The following ITGA9 variants were observed in gnomAD, a reference collection of about 807,000 sequenced individuals.
The protein encoded by ITGA9 is integrin alpha-9.
Under a neutral mutation model 127.8 loss-of-function variants are expected in ITGA9, and 56 were observed. The ratio of observed to expected loss-of-function variants is 0.44; its 90% CI spans 0.35 to 0.55. The LOEUF is 0.55. ITGA9 is among the 20% of genes least tolerant of loss of function. The pLI is 0.00. For missense variants in ITGA9, 1,196 were observed against 1,347.1 expected (o/e 0.89, Z 1.76); for synonymous variants, 508 against 514.5 (o/e 0.99, Z 0.17).
chr3:37,518,771 C>CTTTTTTTTTTTTTTTTTTTTT lies in ITGA9; in HGVS notation c.1142-478_1142-458dup. 4.6e-5 allele frequency among the ~76,000 whole-genome samples: 2 copies of CTTTTTTTTTTTTTTTTTTTTT among 43,492 alleles called. 1 individual carries two copies. The highest frequency in any genetic ancestry group is 8.2e-5 in the Non-Finnish European group (2 of 24,488). The allele number at this position is 43,492 out of a possible 152,430, so 28.5% of individuals were successfully genotyped here. A position where few individuals can be genotyped will look rare whatever the true frequency, so the allele number is the denominator to read the frequency against. On this transcript the variant is annotated intron_variant, in intron 10 of 27. Transcript: ENST00000264741. ...GTCAGCTTCTATAGTTTTCACTGTACTTTTTTTTTTTTTTTTTTTTTTTTT... is the reference window on the plus strand; with the variant it reads ...GTCAGCTTCTATAGTTTTCACTGTACTTTTTTTTTTTTTTTTTTTTTTTTTTTTTTTTTTTTTTTTTTTTTT...
intron 3 of ITGA9, among the ~76,000 whole-genome samples, chr3:37,476,288 A>G (rs1162857863): frequency 1.3e-5 from 2 of 151,992 alleles, no homozygotes; most frequent in Non-Finnish European, 2.9e-5. Flanking sequence ...TGGCTGCAGC[A>G]TTTTAAGTTC....
intron 27 of ITGA9, among the ~76,000 whole-genome samples, chr3:37,817,899 G>A (rs912187866): frequency 3.3e-5 from 5 of 152,118 alleles, no homozygotes; most frequent in African/African-American, 7.2e-5. Flanking sequence ...TGAAACGCCC[G>A]TTCTAAGTGA....
chr3:37,554,484 G>A (rs1699410630), intron 15 of ITGA9, among the ~76,000 whole-genome samples: 1 of 152,006 alleles, frequency 6.6e-6, no homozygotes, highest in African/African-American at 2.4e-5. Context: ...GAGTGTGTGA[G>A]GGATCTGGGC....
At chr3:37,668,546 G>C (rs1463075883) in intron 17 of ITGA9, among the ~76,000 whole-genome samples, 1 of 152,150 alleles carries the variant, frequency 6.6e-6, no homozygotes, top group Non-Finnish European at 1.5e-5. Flanking sequence ...TCCTTGCTAA[G>C]ATTTTTGCAG....
At chr3:37,785,646 T>C (rs1697030528) in intron 26 of ITGA9, among the ~76,000 whole-genome samples, 1 of 152,120 alleles carries the variant, frequency 6.6e-6, no homozygotes, top group Non-Finnish European at 1.5e-5. Context: ...TTTTAAATTT[T>C]TTAAAATTTT....
In ITGA9 at chr3:37,818,931, C is replaced by T. The variant is rs762494026; in HGVS notation, c.3050C>T (p.Ala1017Val). ...CGAAGGTACAAAGAAATTATCGAAG[C>T]TGAGAAGAACCGGAAAGAGAATGAA... ...FRRRYKEIIEAEKNRKENEDS... is the reference protein window; with the variant it reads ...FRRRYKEIIEVEKNRKENEDS... Residue 1017 changes from alanine to valine, a missense_variant, in exon 28 of 28, where the codon GCT becomes GTT. Transcript: ENST00000264741. The T allele has an allele frequency of 2.5e-6, 4 of 1,614,032 alleles. No individual in the cohort carries two copies. In the South Asian group the frequency reaches 4.4e-5, roughly 18 times the overall value.
At position 37,659,074 on chromosome 3, in the gene ITGA9, G is replaced by T. The variant is rs1575183449; in HGVS notation, c.1916+5284G>T. 2.0e-5 allele frequency among the ~76,000 whole-genome samples: 3 copies of T among 152,242 alleles called. 1 individual carries two copies. The highest frequency in any genetic ancestry group is 7.2e-5 in the African/African-American group (3 of 41,536). ...GTTAGTCTGATGGGCTTCCCTTTGTGGGTAACCCAACCTTTCTCTCTGGCT... is the reference window on the plus strand; with the variant it reads ...GTTAGTCTGATGGGCTTCCCTTTGTTGGTAACCCAACCTTTCTCTCTGGCT... On this transcript the variant is annotated intron_variant, in intron 17 of 27. Transcript: ENST00000264741.
At chr3:37,738,771 T>A (rs547999782) in intron 20 of ITGA9, among the ~76,000 whole-genome samples, 2 of 152,324 alleles carry the variant, frequency 1.3e-5, no homozygotes, top group East Asian at 3.9e-4. Context: ...GAATGTGACA[T>A]GGAAGAGATT....
chr3:37,730,168 C>T (rs1166224178), intron 18 of ITGA9, among the ~76,000 whole-genome samples: 3 of 152,156 alleles, frequency 2.0e-5, no homozygotes, highest in Non-Finnish European at 2.9e-5. Flanking sequence ...CACACACACA[C>T]ATACACTTAT....
intron 26 of ITGA9, among the ~76,000 whole-genome samples, chr3:37,802,283 C>G (rs760818564): frequency 6.6e-6 from 1 of 152,174 alleles, no homozygotes; most frequent in Non-Finnish European, 1.5e-5. Flanking sequence ...GGATGGAAGC[C>G]AGGCCCTAAA....
chr3:37,612,684 A>G (rs1337985217), intron 15 of ITGA9, among the ~76,000 whole-genome samples: 1 of 152,220 alleles, frequency 6.6e-6, no homozygotes, highest in Admixed American at 6.5e-5. Flanking sequence ...CTTTTGGTTG[A>G]CAGTAGTAAA....
intron 16 of ITGA9, among the ~76,000 whole-genome samples, chr3:37,650,912 G>A (rs1417499724): frequency 6.6e-6 from 1 of 152,196 alleles, no homozygotes; most frequent in Admixed American, 6.5e-5. Context: ...GGACAGTGAC[G>A]AGTGCTATTA....
chr3:37,490,972 C>CCCT (rs1161514980), intron 4 of ITGA9, among the ~76,000 whole-genome samples: 1 of 135,946 alleles, frequency 7.4e-6, no homozygotes, highest in African/African-American at 2.8e-5. Context: ...GGCTTCCCCC[C>CCCT]CGCTTTTTTT....
chr3:37,469,581 A>G (rs1165354440), intron 1 of ITGA9, among the ~76,000 whole-genome samples: 3 of 152,122 alleles, frequency 2.0e-5, no homozygotes, highest in East Asian at 1.9e-4. Context: ...CCTAATTGCA[A>G]CCCTGCTTTC....
intron 15 of ITGA9, 34 bp downstream of exon 15, chr3:37,542,619 T>C: frequency 6.2e-7 from 1 of 1,610,256 alleles, no homozygotes; most frequent in Non-Finnish European, 8.5e-7. Flanking sequence ...CCTCAAACTT[T>C]GATCTCTGCA....
chr3:37,577,279 C>T (rs534610254), intron 15 of ITGA9, among the ~76,000 whole-genome samples: 43 of 152,366 alleles, frequency 2.8e-4, no homozygotes, highest in African/African-American at 1.0e-3. Flanking sequence ...GGTGGGAATG[C>T]CTTGAGCCTC....
In ITGA9 at chr3:37,562,296, C is replaced by T. The variant is rs59760017; in HGVS notation, c.1689+19711C>T. ...CCCCGGAGCACCTACAGATATCTGT[C>T]TGTCTGTCCCCATCCCCACTGCCTA... On this transcript the variant is annotated intron_variant, in intron 15 of 27. Transcript: ENST00000264741. Among the ~76,000 whole-genome samples the T allele has an allele frequency of 4.9e-3, 739 of 152,312 alleles. 13 individuals are homozygous for T. Among genetic ancestry groups the T allele is most frequent in the African/African-American group, 0.017 (690 of 41,566 alleles).
chr3:37,748,747 TAAAAAAA>T, intron 22 of ITGA9: 6 of 450,776 alleles, frequency 1.3e-5, no homozygotes, highest in East Asian at 4.2e-5. Context: ...GACTCTGTCT[TAAAAAAA>T]AAAAAAAAAA....
chr3:37,801,565 T>C lies in ITGA9; in HGVS notation c.2890-2258T>C, dbSNP rs1431118359. On this transcript the variant is annotated intron_variant, in intron 26 of 27. Coordinates refer to ENST00000264741, the MANE Select transcript of ITGA9 (RefSeq NM_002207.3). ...GCACAAGAATTGCTTGAACCCAGGA[T>C]GCAGAGGTTGCAGTGAGCTGAGATT... 2.6e-5 allele frequency among the ~76,000 whole-genome samples: 4 copies of C among 151,740 alleles called. No homozygotes were observed. The East Asian group carries it at 7.8e-4, about 29-fold the overall frequency.
Sources: gnomAD v4.1 joint callset for allele counts (sites outside exome capture counted in the v4.1 genomes callset) on GRCh38, gnomAD v4.1.1 for gene constraint, MANE v1.5 for transcripts, NCBI Gene and HGNC (gene_info 2026-07-23, HGNC 2026-07-21) for gene names.